The following TRAPPC13 variants were observed in gnomAD, a reference collection of about 807,000 sequenced individuals.
TRAPPC13 encodes trafficking protein particle complex subunit 13.
In TRAPPC13, 39 loss-of-function variants were observed where a neutral mutation model predicts 54.0. That is an observed-to-expected ratio of 0.72 (90% CI 0.56 to 0.94). TRAPPC13 has a LOEUF of 0.94. Ranked by LOEUF, TRAPPC13 falls within the 40% of genes least tolerant of loss-of-function variation. TRAPPC13 has a pLI of 0.00. For synonymous variants in TRAPPC13, 148 were observed against 167.7 expected (o/e 0.88, Z 0.91); for missense variants, 386 against 488.1 (o/e 0.79, Z 1.97).
rs1581238582 is a variant in TRAPPC13 at position 65,665,024 on chromosome 5, A to C, written c.*413A>C. ...ATACTGAACTCTGCCATCGTACTTC[A>C]AGAGCAGCCAGTAGGCAAAAAAAGT... On this transcript the variant is annotated 3_prime_UTR_variant, in exon 13 of 13. Transcript: ENST00000399438. 1 of 27,830 alleles carries C rather than the reference A, an allele frequency of 3.6e-5. No individual in the cohort carries two copies. Among genetic ancestry groups the C allele is most frequent in the Admixed American group, 2.8e-4 (1 of 3,516 alleles). 1.7% of individuals were successfully genotyped at this position (27,830 alleles called of 1,614,324 possible).
chr5:65,660,572 C>T, intron 9 of TRAPPC13, 127 bp from the exon 10 acceptor site: 1 of 554,958 alleles, frequency 1.8e-6, no homozygotes, highest in Non-Finnish European at 2.9e-6. Context: ...AAATCGTTAA[C>T]ATGTTCTGTT....
intron 7 of TRAPPC13, among the ~76,000 whole-genome samples, chr5:65,654,787 G>C (rs1756588181): frequency 6.6e-6 from 1 of 152,180 alleles, no homozygotes. Context: ...AGATAGAAAA[G>C]CCTTGCAGGC....
intron 4 of TRAPPC13, among the ~76,000 whole-genome samples, chr5:65,643,805 A>G (rs1044422099): frequency 4.9e-5 from 7 of 143,318 alleles, no homozygotes; most frequent in Admixed American, 4.3e-4. Context: ...CGACAGAGTG[A>G]GACTCCGTCT....
chr5:65,664,035 T>A lies in TRAPPC13; in HGVS notation c.999-202T>A, dbSNP rs1018201542. 37 of 535,214 alleles carry A rather than the reference T, an allele frequency of 6.9e-5. No homozygotes were observed. In the East Asian group the frequency reaches 1.2e-3, roughly 18 times the overall value. 33.2% of individuals were successfully genotyped at this position (535,214 alleles called of 1,614,324 possible). ...CAGGCAGATTAGTCTGAGGCTATTT[T>A]AAGTGCTAGAAGGTGTGACTTCCTT... On this transcript the variant is annotated intron_variant, in intron 11 of 12. Transcript: ENST00000399438.
At chr5:65,659,981 AAAAAAAAAAGAAG>A (rs1756792143) in intron 9 of TRAPPC13, among the ~76,000 whole-genome samples, 2 of 150,908 alleles carry the variant, frequency 1.3e-5, no homozygotes, top group African/African-American at 4.9e-5. Context: ...AAAAAAAAAA[AAAAAAAAAAGAAG>A]AAGAAGAAGA....
intron 8 of TRAPPC13, among the ~76,000 whole-genome samples, chr5:65,657,043 T>C (rs42884): frequency 0.63 from 94,764 of 149,980 alleles, 29,995 homozygotes; most frequent in African/African-American, 0.66. Context: ...TGCCACTGCA[T>C]TCTACTCTGG....
chr5:65,649,645 A>C (rs1300730092), intron 5 of TRAPPC13, among the ~76,000 whole-genome samples: 1 of 151,886 alleles, frequency 6.6e-6, no homozygotes, highest in Non-Finnish European at 1.5e-5. Context: ...TCCTTTTCTG[A>C]TGTTTTGAGT....
At chr5:65,643,197 A>G (rs747380400) in intron 4 of TRAPPC13, among the ~76,000 whole-genome samples, 2 of 151,406 alleles carry the variant, frequency 1.3e-5, no homozygotes, top group African/African-American at 2.4e-5. Flanking sequence ...TTAATAATTT[A>G]TAGTTTTATT....
chr5:65,652,694 ATAATT>A (rs1266726250), intron 7 of TRAPPC13, 149 bp downstream of exon 7: 1 of 708,692 alleles, frequency 1.4e-6, no homozygotes, highest in Non-Finnish European at 2.6e-6. Context: ...TTAAAATTGA[ATAATT>A]TTATTATAGG....
intron 7 of TRAPPC13, among the ~76,000 whole-genome samples, chr5:65,655,361 T>C (rs1209439028): frequency 6.6e-6 from 1 of 152,198 alleles, no homozygotes; most frequent in Non-Finnish European, 1.5e-5. Context: ...ACCTCTCTGC[T>C]CCAAAATGTG....
intron 8 of TRAPPC13, among the ~76,000 whole-genome samples, chr5:65,657,638 C>G (rs1233753753): frequency 6.6e-6 from 1 of 152,036 alleles, no homozygotes; most frequent in Non-Finnish European, 1.5e-5. Context: ...CTAAATTTAT[C>G]TAATTATCTA....
rs1416387723 is a variant in TRAPPC13 at position 65,665,365 on chromosome 5, G to A, written c.*754G>A. The A allele has an allele frequency of 6.6e-6, 1 of 152,100 alleles. No individual in the cohort carries two copies. The highest frequency in any genetic ancestry group is 6.6e-5 in the Admixed American group (1 of 15,260). The allele number at this position is 152,100 out of a possible 1,614,324, so 9.4% of individuals were successfully genotyped here. On this transcript the variant is annotated 3_prime_UTR_variant, in exon 13 of 13. Transcript: ENST00000399438. ...GCAGAAAAAGTTTGCTTAAAACAAA[G>A]GGGGTAGTCCTCTTATAACCTGATA...
At chr5:65,662,320 A>T in intron 11 of TRAPPC13, 170 bp downstream of exon 11, 1 of 496,736 alleles carries the variant, frequency 2.0e-6, no homozygotes, top group Non-Finnish European at 3.5e-6. Context: ...GTATAATTAC[A>T]TATTTTTAAG....
intron 11 of TRAPPC13, chr5:65,662,628 A>G (rs1400873546): frequency 6.6e-6 from 1 of 152,302 alleles, no homozygotes; most frequent in Non-Finnish European, 1.5e-5. Context: ...GGAAGCAAAG[A>G]GCACAGGGCT....
At position 65,651,042 on chromosome 5, in the gene TRAPPC13, A is replaced by G. The variant is rs147706067; in HGVS notation, c.501+160A>G. 8.5e-4 allele frequency among the ~76,000 whole-genome samples: 130 copies of G among 152,336 alleles called. No homozygotes were observed. The East Asian group carries it at 0.023, about 27-fold the overall frequency. Reference sequence around the variant, plus strand: ...TGACTAGCAGTCTAAACTCAGACTAAATTAAGGTGAATAAAAGCAGAAGAA... The same window carrying G: ...TGACTAGCAGTCTAAACTCAGACTAGATTAAGGTGAATAAAAGCAGAAGAA... On this transcript the variant is annotated intron_variant, in intron 6 of 12. Coordinates refer to ENST00000399438, the MANE Select transcript of TRAPPC13 (RefSeq NM_024941.4).
chr5:65,633,285 A>T (rs962565945), intron 1 of TRAPPC13, among the ~76,000 whole-genome samples: 2 of 146,324 alleles, frequency 1.4e-5, no homozygotes, highest in Admixed American at 1.4e-4. Flanking sequence ...ATTTGAAGGA[A>T]TTTTTTTTTT....
chr5:65,645,458 A>C (rs1472791203), intron 4 of TRAPPC13, among the ~76,000 whole-genome samples: 7 of 152,126 alleles, frequency 4.6e-5, no homozygotes, highest in African/African-American at 1.7e-4. Context: ...GCAGTAATAA[A>C]TATCCCATTT....
chr5:65,646,965 T>C, intron 4 of TRAPPC13, 90 bp from the exon 5 acceptor site: 1 of 1,200,578 alleles, frequency 8.3e-7, no homozygotes, highest in Middle Eastern at 2.6e-4. Flanking sequence ...CTAATTCTTA[T>C]TCCCCTATTC....
intron 4 of TRAPPC13, among the ~76,000 whole-genome samples, chr5:65,640,460 CTG>C (rs1046419780): frequency 7.2e-5 from 11 of 152,188 alleles, no homozygotes; most frequent in Non-Finnish European, 1.3e-4. Flanking sequence ...TATGTTTTAT[CTG>C]TGGCTGATTT....
Sources: allele counts gnomAD v4.1 joint callset (sites outside exome capture counted in the v4.1 genomes callset), GRCh38; gene constraint gnomAD v4.1.1; transcripts MANE v1.5; gene names NCBI Gene and HGNC (gene_info 2026-07-23, HGNC 2026-07-21).